SSC5D: variants seen among roughly 807,000 people sequenced by gnomAD.
SSC5D encodes the protein scavenger receptor cysteine rich family member with 5 domains, also known as soluble scavenger receptor cysteine-rich domain-containing protein SSC5D.
Under a neutral mutation model 104.6 loss-of-function variants are expected in SSC5D, and 106 were observed. The ratio of observed to expected loss-of-function variants is 1.01; its 90% CI spans 0.87 to 1.19. The LOEUF is 1.19. Ranked by LOEUF, SSC5D falls within the 50% of genes most tolerant of loss-of-function variation. SSC5D has a pLI of 0.00. For missense variants in SSC5D, 1,993 were observed against 2,153.8 expected, an observed-to-expected ratio of 0.93 and a Z score of 1.48; for synonymous variants, 860 against 883.5, an observed-to-expected ratio of 0.97 and a Z score of 0.47.
intron 8 of SSC5D, 78 bp from the exon 9 acceptor site, chr19:55,497,802 G>A (rs954421359): frequency 1.4e-5 from 19 of 1,311,060 alleles, no homozygotes; most frequent in Non-Finnish European, 1.9e-5. Context: ...GGAAGATGGG[G>A]GGAGGGAAAG....
intron 12 of SSC5D, among the ~76,000 whole-genome samples, chr19:55,506,720 T>C (rs1987645265): frequency 2.0e-5 from 3 of 152,104 alleles, no homozygotes; most frequent in Admixed American, 2.0e-4. Flanking sequence ...TGGAGCAGCA[T>C]TTCTTCAGGC....
Position 55,488,717 on chromosome 19 carries a change from G to A in SSC5D, c.25+103G>A. The stretch of plus-strand genomic sequence containing the variant: ...ACTCAAACTTCCGGGACTGGTCGCT[G>A]GTGCTCCTGCATACCCTGACATCCC... On this transcript the variant is annotated intron_variant, in intron 1 of 13. Coordinates refer to ENST00000389623, the MANE Select transcript of SSC5D (RefSeq NM_001144950.2). The A allele has an allele frequency of 2.9e-6, 3 of 1,051,250 alleles. No homozygotes were observed. The South Asian group carries it at 4.1e-5, about 14-fold the overall frequency. The allele number at this position is 1,051,250 out of a possible 1,614,324, so 65.1% of individuals were successfully genotyped here.
chr19:55,489,493 A>T lies in SSC5D; in HGVS notation c.192A>T (p.Gly64=). Residue 64 remains glycine (G), a synonymous_variant, in exon 3 of 14, where the codon GGA becomes GGT. Transcript: ENST00000389623. ...AAVACRQLGC[G]GALAAPGGAF... ...TGGCCTGCCGGCAGCTGGGCTGCGG[A>T]GGGGCACTGGCCGCCCCGGGAGGCG... 1 of 1,471,862 alleles carries T rather than the reference A, an allele frequency of 6.8e-7. No individual in the cohort carries two copies. The highest frequency in any genetic ancestry group is 8.9e-7 in the Non-Finnish European group (1 of 1,118,282). 91.2% of individuals were successfully genotyped at this position (1,471,862 alleles called of 1,614,324 possible). A position where few individuals can be genotyped will look rare whatever the true frequency, so the allele number is the denominator to read the frequency against.
rs1047318780 is a variant in SSC5D at position 55,489,514 on chromosome 19, A to G, written c.213A>G (p.Gly71=). The G allele has an allele frequency of 4.2e-5, 61 of 1,465,982 alleles. No homozygotes were observed. Among genetic ancestry groups the G allele is most frequent in the Non-Finnish European group, 5.0e-5 (56 of 1,115,422 alleles). The allele number at this position is 1,465,982 out of a possible 1,614,324, so 90.8% of individuals were successfully genotyped here. A position where few individuals can be genotyped will look rare whatever the true frequency, so the allele number is the denominator to read the frequency against. Residue 71 remains glycine, a synonymous_variant, in exon 3 of 14, where the codon GGA becomes GGG. Transcript: ENST00000389623. ...GCGGAGGGGCACTGGCCGCCCCGGG[A>G]GGCGCCTTCTTCGGGGAGGGGGCAG... is the stretch of plus-strand genomic sequence containing the variant. The part of the protein sequence containing the change: ...LGCGGALAAP[G]GAFFGEGAGP...
rs1987516349 is a variant in SSC5D at position 55,501,974 on chromosome 19, C to T, written c.2785+773C>T. Among the ~76,000 whole-genome samples, 3 of 152,210 alleles carry T rather than the reference C, an allele frequency of 2.0e-5. No individual in the cohort carries two copies. In the South Asian group the frequency reaches 6.2e-4, roughly 32 times the overall value. On this transcript the variant is annotated intron_variant, in intron 12 of 13. Coordinates refer to ENST00000389623, the MANE Select transcript of SSC5D (RefSeq NM_001144950.2). The stretch of plus-strand genomic sequence containing the variant: ...ATGGAGTGCAGTGGTGTGATCTCAG[C>T]TCACTGCAGCCTTGACTGCCCGGGC...
intron 12 of SSC5D, chr19:55,504,402 G>A: frequency 8.1e-7 from 1 of 1,239,198 alleles, no homozygotes; most frequent in Non-Finnish European, 1.0e-6. Flanking sequence ...GGGTGGAGTG[G>A]GAGACGAGGC....
At position 55,517,698 on chromosome 19, in the gene SSC5D, G is replaced by C. The variant is rs1022291820; in HGVS notation, c.3422G>C (p.Arg1141Thr). 1 of 1,551,116 alleles carries C rather than the reference G, an allele frequency of 6.4e-7. No homozygotes were observed. The highest frequency in any genetic ancestry group is 8.7e-7 in the Non-Finnish European group (1 of 1,146,850). The change falls in exon 14 of 14, where the codon AGA (arginine) becomes ACA (threonine). Residue 1141 changes from arginine to threonine, a missense_variant. Around this residue, in one of 6 missense-constraint regions of SSC5D, gnomAD observed 423 missense variants for 409.2 expected, o/e 1.03. Coordinates refer to ENST00000389623, the MANE Select transcript of SSC5D (RefSeq NM_001144950.2). The part of the protein sequence containing the change: ...PYSSTVSEYS[R>T]SPDPSPSPHP... ...TCCAGTACAGTCTCAGAATATTCTA[G>C]ATCCCCAGACCCCTCCCCAAGCCCT...
intron 12 of SSC5D, among the ~76,000 whole-genome samples, chr19:55,501,555 G>A (rs554412336): frequency 6.6e-6 from 1 of 152,164 alleles, no homozygotes; most frequent in Non-Finnish European, 1.5e-5. Flanking sequence ...CAGAGCAAGC[G>A]AAACCTCACC....
In SSC5D at chr19:55,505,499, G is replaced by A. The variant is rs559218400; in HGVS notation, c.2785+4298G>A. Among the ~76,000 whole-genome samples, 12 of 151,916 alleles carry A rather than the reference G, an allele frequency of 7.9e-5. 1 individual carries two copies. The South Asian group carries it at 2.3e-3, about 29-fold the overall frequency. On this transcript the variant is annotated intron_variant, in intron 12 of 13. Transcript: ENST00000389623. Reference sequence around the variant, plus strand: ...CGCAGACTTATTATTTTGCAGTTTTGTAGGTCAGAAGTCAGACTTGCTTAG... The same window carrying A: ...CGCAGACTTATTATTTTGCAGTTTTATAGGTCAGAAGTCAGACTTGCTTAG...
chr19:55,498,270 A>G (rs1987382208), intron 9 of SSC5D, 73 bp downstream of exon 9: 1 of 1,460,464 alleles, frequency 6.8e-7, no homozygotes. Flanking sequence ...CATGGGCACT[A>G]ACATTGATTG....
At chr19:55,501,292 GC>G in intron 12 of SSC5D, 91 bp downstream of exon 12, 3 of 1,408,898 alleles carry the variant, frequency 2.1e-6, no homozygotes, top group Non-Finnish European at 2.8e-6. Context: ...TTCTCAATGA[GC>G]TGGCTGAGGC....
intron 2 of SSC5D, 25 bp downstream of exon 2, chr19:55,489,057 T>TGGGGGGGGGC: frequency 8.0e-7 from 1 of 1,247,972 alleles, no homozygotes; most frequent in Non-Finnish European, 1.0e-6. Flanking sequence ...TCCTCCCATC[T>TGGGGGGGGGC]GCCCGCCCCC....
intron 9 of SSC5D, among the ~76,000 whole-genome samples, chr19:55,499,262 C>A (rs772329481): frequency 6.6e-6 from 1 of 152,248 alleles, no homozygotes; most frequent in South Asian, 2.1e-4. Context: ...TAATCCTTTA[C>A]TGCACACGTG....
At position 55,497,908 on chromosome 19, in the gene SSC5D, G is replaced by A; in HGVS notation, c.1416G>A (p.Gly472=). 1.3e-6 allele frequency: 2 copies of A among 1,545,334 alleles called. No homozygotes were observed. The highest frequency in any genetic ancestry group is 1.8e-6 in the Non-Finnish European group (2 of 1,141,898). ...AGSPQLRLVA[G]PSKCSGRLEV... ...CCCCCCAGCTGCGCCTGGTGGCTGG[G>A]CCCAGCAAGTGCTCAGGTCGACTGG... The change falls in exon 9 of 14, where the codon GGG becomes GGA. Residue 472 remains glycine (G), a synonymous_variant. Coordinates refer to ENST00000389623, the MANE Select transcript of SSC5D (RefSeq NM_001144950.2).
At chr19:55,496,632 A>G (rs1425199275) in intron 8 of SSC5D, among the ~76,000 whole-genome samples, 1 of 152,204 alleles carries the variant, frequency 6.6e-6, no homozygotes, top group Non-Finnish European at 1.5e-5. Context: ...ATGAGGCAGC[A>G]CCGCTGAGAA....
At position 55,491,158 on chromosome 19, in the gene SSC5D, C is replaced by G. The variant is rs752267374; in HGVS notation, c.895+78C>G. 1.2e-5 allele frequency: 17 copies of G among 1,449,874 alleles called. No individual in the cohort carries two copies. In the South Asian group the frequency reaches 2.4e-4, roughly 20 times the overall value. The allele number at this position is 1,449,874 out of a possible 1,614,324, so 89.8% of individuals were successfully genotyped here. A position where few individuals can be genotyped will look rare whatever the true frequency, so the allele number is the denominator to read the frequency against. ...CTCTTGCCCCTCCAGGAAGCTGCAG[C>G]GGGCCTGCTCCCAGCTCTGCCTCCT... On this transcript the variant is annotated intron_variant, in intron 6 of 13. Coordinates refer to ENST00000389623, the MANE Select transcript of SSC5D (RefSeq NM_001144950.2).
Position 55,490,362 on chromosome 19 carries a change from C to T in SSC5D, c.540C>T (p.Ala180=). The part of the protein sequence containing the change: ...SRKKSPRPKQ[A]KSTRAPLLTT... ...AGAAGAGCCCCCGGCCCAAGCAGGC[C>T]AAGTCCACCCGGGCCCCTCTGCTGA... Residue 180 remains alanine, a synonymous_variant, in exon 5 of 14, where the codon GCC becomes GCT. Transcript: ENST00000389623. 1 of 1,524,590 alleles carries T rather than the reference C, an allele frequency of 6.6e-7. No individual in the cohort carries two copies. Among genetic ancestry groups the T allele is most frequent in the Non-Finnish European group, 8.9e-7 (1 of 1,128,306 alleles). 94.4% of individuals were successfully genotyped at this position (1,524,590 alleles called of 1,614,324 possible).
intron 13 of SSC5D, among the ~76,000 whole-genome samples, chr19:55,516,836 C>T (rs915330583): frequency 6.6e-6 from 1 of 152,142 alleles, no homozygotes. Context: ...TGGCTCCGCA[C>T]ATCTCCCAGT....
chr19:55,494,767 G>A lies in SSC5D; in HGVS notation c.1371G>A (p.Glu457=), dbSNP rs1045960382. The A allele has an allele frequency of 1.5e-5, 23 of 1,543,236 alleles. No individual in the cohort carries two copies. The highest frequency in any genetic ancestry group is 2.0e-5 in the Non-Finnish European group (23 of 1,142,780). ...PPPASPTVLW[E]PGPEAGSPQL... is the part of the protein sequence containing the mutation. ...CAGCCTCCCCTACTGTCCTTTGGGAGCCTGGACCGGAAGCCGGTGAGTCCC... is the reference window on the plus strand; with the variant it reads ...CAGCCTCCCCTACTGTCCTTTGGGAACCTGGACCGGAAGCCGGTGAGTCCC... The change falls in exon 8 of 14, where the codon GAG becomes GAA. Residue 457 remains glutamate (E), a synonymous_variant. Transcript: ENST00000389623.
Sources: allele counts gnomAD v4.1 joint callset (sites outside exome capture counted in the v4.1 genomes callset), GRCh38; gene constraint gnomAD v4.1.1; regional missense constraint gnomAD v4.1.1; transcripts MANE v1.5; gene names NCBI Gene and HGNC (gene_info 2026-07-23, HGNC 2026-07-21).